The following RAB43 variants were observed in gnomAD, a reference collection of about 807,000 sequenced individuals.
RAB43 encodes the protein RAB43, member RAS oncogene family.
In RAB43, 6 loss-of-function variants were observed where a neutral mutation model predicts 18.8. The observed-to-expected ratio is 0.32, with a 90% confidence interval of 0.17 to 0.63. RAB43 has a LOEUF of 0.63. Among genes scored for constraint, RAB43 ranks in the 30% least tolerant of loss-of-function variants. The pLI is 0.79. For missense variants in RAB43, 195 were observed against 289.1 expected (o/e 0.67, Z 2.36); for synonymous variants, 103 against 124.1 (o/e 0.83, Z 1.13).
chr3:129,109,696 C>T (rs1406165121), intron 1 of RAB43, among the ~76,000 whole-genome samples: 4 of 148,976 alleles, frequency 2.7e-5, no homozygotes, highest in Non-Finnish European at 4.5e-5. Flanking sequence ...GAGCCGAGAT[C>T]GCACCACTGC....
intron 1 of RAB43, among the ~76,000 whole-genome samples, chr3:129,120,281 A>G (rs572740757): frequency 6.6e-6 from 1 of 152,284 alleles, no homozygotes; most frequent in Admixed American, 6.5e-5. Flanking sequence ...CAAAGGCAAC[A>G]AGGAGCAGGC....
chr3:129,094,717 C>G (rs546451201), intron 2 of RAB43, among the ~76,000 whole-genome samples: 1 of 151,640 alleles, frequency 6.6e-6, no homozygotes, highest in East Asian at 1.9e-4. Context: ...CGAGGTTTCA[C>G]TGTGTTAGCC....
intron 1 of RAB43, among the ~76,000 whole-genome samples, chr3:129,106,455 T>C (rs1934788392): frequency 6.6e-6 from 1 of 152,124 alleles, no homozygotes; most frequent in South Asian, 2.1e-4. Flanking sequence ...CATGCTGTGG[T>C]CCTCCAGGGA....
intron 1 of RAB43, among the ~76,000 whole-genome samples, chr3:129,097,256 GC>G (rs1170371454): frequency 1.3e-5 from 2 of 152,148 alleles, no homozygotes; most frequent in African/African-American, 4.8e-5. Context: ...TGACTGAGGG[GC>G]CCACCAGGCA....
intron 1 of RAB43, among the ~76,000 whole-genome samples, chr3:129,101,750 C>T (rs1000920026): frequency 6.6e-6 from 1 of 152,210 alleles, no homozygotes; most frequent in Admixed American, 6.5e-5. Flanking sequence ...AGAGCCAGAG[C>T]ATATAGGATC....
At chr3:129,119,250 T>G (rs1324602458) in intron 1 of RAB43, among the ~76,000 whole-genome samples, 1 of 152,222 alleles carries the variant, frequency 6.6e-6, no homozygotes, top group Non-Finnish European at 1.5e-5. Context: ...GAAGCCTGAC[T>G]CGAAGGACAG....
At chr3:129,121,200 G>T in intron 1 of RAB43, 86 bp downstream of exon 1, 1 of 1,214,162 alleles carries the variant, frequency 8.2e-7, no homozygotes, top group Non-Finnish European at 1.2e-6. Context: ...ATGGACGCGG[G>T]GTGCGCTCGC....
At chr3:129,103,902 C>T (rs1271935883) in intron 1 of RAB43, among the ~76,000 whole-genome samples, 1 of 152,166 alleles carries the variant, frequency 6.6e-6, no homozygotes, top group South Asian at 2.1e-4. Flanking sequence ...CATCCTGTCC[C>T]AACCCCAATT....
intron 2 of RAB43, among the ~76,000 whole-genome samples, chr3:129,092,908 A>T (rs1450847686): frequency 6.6e-6 from 1 of 151,884 alleles, no homozygotes; most frequent in East Asian, 2.0e-4. Flanking sequence ...ATGAGCCGAG[A>T]TCGCGCCACT....
chr3:129,121,188 A>C (rs1475859296), intron 1 of RAB43, 98 bp downstream of exon 1: 2 of 1,113,956 alleles, frequency 1.8e-6, no homozygotes, highest in African/African-American at 3.2e-5. Context: ...AGGAAACTTC[A>C]GATGGACGCG....
rs373435210 is a variant in RAB43 at position 129,114,266 on chromosome 3, G to A, written c.204+7020C>T. 1.7e-4 allele frequency among the ~76,000 whole-genome samples: 26 copies of A among 152,326 alleles called. 3 individuals carry two copies. Among genetic ancestry groups the A allele is most frequent in the Admixed American group, 5.9e-4 (9 of 15,298 alleles). On this transcript the variant is annotated intron_variant, in intron 1 of 2. Transcript: ENST00000315150. Reference sequence around the variant, plus strand: ...CTGCTAATCAATGTGTAAAATGCAAGCAATACAAGATGGCCTAGATTTTAA... The same window carrying A: ...CTGCTAATCAATGTGTAAAATGCAAACAATACAAGATGGCCTAGATTTTAA...
chr3:129,110,406 G>A (rs950770034), intron 1 of RAB43, among the ~76,000 whole-genome samples: 3 of 152,148 alleles, frequency 2.0e-5, no homozygotes, highest in African/African-American at 7.2e-5. Flanking sequence ...TGATACCTAA[G>A]ACAAAGTCCA....
intron 1 of RAB43, among the ~76,000 whole-genome samples, chr3:129,096,575 A>G (rs1213079830): frequency 6.6e-6 from 1 of 152,242 alleles, no homozygotes; most frequent in Non-Finnish European, 1.5e-5. Flanking sequence ...CAAAAACACA[A>G]CACAGAAGAA....
At position 129,107,517 on chromosome 3, in the gene RAB43, A is replaced by C. The variant is rs1029973751; in HGVS notation, c.205-12348T>G. 2.6e-5 allele frequency among the ~76,000 whole-genome samples: 4 copies of C among 152,070 alleles called. No individual in the cohort carries two copies. Among genetic ancestry groups the C allele is most frequent in the Admixed American group, 1.3e-4 (2 of 15,262 alleles). On this transcript the variant is annotated intron_variant, in intron 1 of 2. Transcript: ENST00000315150. The surrounding 1 kb of genome is among the most constrained non-coding windows in gnomAD (Gnocchi z 4.2). ...AGGCTCCTTTCAGCACCAGGGAAAC[A>C]TTTGGGGTAATGAGGAAACCAAGGC...
chr3:129,092,709 C>A, intron 2 of RAB43: 1 of 405,754 alleles, frequency 2.5e-6, no homozygotes, highest in South Asian at 5.8e-5. Context: ...GTAATCCCAG[C>A]ACTTTGGGAG....
intron 1 of RAB43, among the ~76,000 whole-genome samples, chr3:129,101,004 C>A (rs1934378388): frequency 6.6e-6 from 1 of 152,138 alleles, no homozygotes; most frequent in East Asian, 1.9e-4. Flanking sequence ...CAGGGTTTCG[C>A]CATGTTGGCC....
rs1435382549 is a variant in RAB43, at chr3:129,092,570, G to C, written c.389-1224C>G. ...GAGGCCAGGAGTTCAAGATCAGCCT[G>C]GGCAACATAGCAGGACTGCATCTCT... On this transcript the variant is annotated intron_variant, in intron 2 of 2. Coordinates refer to ENST00000315150, the MANE Select transcript of RAB43 (RefSeq NM_198490.3). 2.9e-6 allele frequency: 2 copies of C among 691,780 alleles called. No homozygotes were observed. The highest frequency in any genetic ancestry group is 3.5e-5 in the African/African-American group (2 of 56,686). The allele number at this position is 691,780 out of a possible 1,614,324, so 42.9% of individuals were successfully genotyped here.
intron 1 of RAB43, among the ~76,000 whole-genome samples, chr3:129,106,630 G>GT (rs1444361363): frequency 6.6e-6 from 1 of 152,202 alleles, no homozygotes; most frequent in Non-Finnish European, 1.5e-5. Flanking sequence ...GACAAGAAAG[G>GT]TAAGACCAGG....
intron 1 of RAB43, among the ~76,000 whole-genome samples, chr3:129,102,329 G>A (rs1310854085): frequency 1.3e-5 from 2 of 152,118 alleles, no homozygotes; most frequent in African/African-American, 2.4e-5. Flanking sequence ...ATGTGCTCTG[G>A]TTTGTTTTTA....
Sources: allele counts gnomAD v4.1 joint callset (sites outside exome capture counted in the v4.1 genomes callset), GRCh38; gene constraint gnomAD v4.1.1; non-coding constraint Gnocchi (gnomAD v3.1); transcripts MANE v1.5; gene names NCBI Gene and HGNC (gene_info 2026-07-23, HGNC 2026-07-21).